Variants in NEK10 observed in about 807,000 individuals in gnomAD.
NEK10 encodes NIMA related kinase 10.
A neutral mutation model predicts 159.8 loss-of-function variants in NEK10; 122 were observed. The observed-to-expected ratio is 0.76, with a 90% CI of 0.66 to 0.89. The LOEUF (loss-of-function observed/expected upper bound fraction) is 0.89. NEK10 is among the 40% of genes least tolerant of loss of function. NEK10 has a pLI of 0.00. For synonymous variants in NEK10, 466 were observed against 457.1 expected (o/e 1.02, Z -0.25); for missense variants, 1,342 against 1,323.1 (o/e 1.01, Z -0.22).
At chr3:27,313,695 C>T (rs1396119759) in intron 7 of NEK10, among the ~76,000 whole-genome samples, 8 of 152,078 alleles carry the variant, frequency 5.3e-5, no homozygotes. Flanking sequence ...ATGCTAAGGG[C>T]TTCAGCCTTC....
chr3:27,170,275 G>A (rs1416180374), intron 29 of NEK10, among the ~76,000 whole-genome samples: 5 of 152,238 alleles, frequency 3.3e-5, no homozygotes, highest in Admixed American at 3.3e-4. Context: ...CTTATATGTG[G>A]CCCAACCTCA....
At chr3:27,131,080 A>T (rs1942569080) in intron 32 of NEK10, among the ~76,000 whole-genome samples, 1 of 152,210 alleles carries the variant, frequency 6.6e-6, no homozygotes, top group African/African-American at 2.4e-5. Context: ...TGAAGCTTTG[A>T]TGCATTAAAG....
In NEK10 at chr3:27,304,826, G is replaced by T. The variant is rs1211364252; in HGVS notation, c.949C>A (p.Gln317Lys). ...LLWSIVWILV[Q>K]VCEDPETSVE... ...CTGGTCTCAGGGTCCTCACAAACCT[G>T]TACCAGAATCCAGACAATGCTCCAG... is the stretch of plus-strand genomic sequence containing the variant. Residue 317 changes from glutamine (Q) to lysine (K), a missense_variant, in exon 12 of 36, where the codon CAG becomes AAG. Physicochemically the swap from Gln to Lys is moderately conservative, Grantham distance 53. Coordinates refer to ENST00000691995, the MANE Select transcript of NEK10 (RefSeq NM_001394966.1). The T allele has an allele frequency of 6.2e-7, 1 of 1,613,856 alleles. No individual in the cohort carries two copies.
intron 23 of NEK10, among the ~76,000 whole-genome samples, chr3:27,208,113 A>C (rs775112621): frequency 6.6e-6 from 1 of 152,124 alleles, no homozygotes; most frequent in Non-Finnish European, 1.5e-5. Flanking sequence ...TGGTTGCTGA[A>C]GGTTGGTAAA....
intron 31 of NEK10, among the ~76,000 whole-genome samples, chr3:27,135,806 C>T (rs1943132598): frequency 6.6e-6 from 1 of 152,142 alleles, no homozygotes; most frequent in Non-Finnish European, 1.5e-5. Context: ...AAATGGCAGT[C>T]AATTTAAGAA....
rs1021281510 is a variant in NEK10 at position 27,214,690 on chromosome 3, T to C, written c.2091-12133A>G. 9.4e-5 allele frequency: 59 copies of C among 630,600 alleles called. 2 individuals are homozygous for C. The Admixed American group carries it at 1.2e-3, about 13-fold the overall frequency. The allele number at this position is 630,600 out of a possible 1,614,324, so 39.1% of individuals were successfully genotyped here. A position where few individuals can be genotyped will look rare whatever the true frequency, so the allele number is the denominator to read the frequency against. ...GGAGTTTAAAGCATTACTGATAACA[T>C]TGTTACAGAAGAATGGCAGCTTACT... On this transcript the variant is annotated intron_variant, in intron 23 of 35. Coordinates refer to ENST00000691995, the MANE Select transcript of NEK10 (RefSeq NM_001394966.1).
chr3:27,317,005 C>T (rs140578032), intron 6 of NEK10, among the ~76,000 whole-genome samples: 3 of 152,306 alleles, frequency 2.0e-5, no homozygotes, highest in East Asian at 1.9e-4. Flanking sequence ...ACACGTATTA[C>T]TCCTGTGGAA....
intron 23 of NEK10, among the ~76,000 whole-genome samples, chr3:27,252,542 T>C (rs191838174): frequency 6.6e-6 from 1 of 152,310 alleles, no homozygotes; most frequent in Admixed American, 6.5e-5. Flanking sequence ...TACTTGTGAG[T>C]TTTAAAGTAC....
chr3:27,274,203 G>C (rs1050630700), intron 22 of NEK10, among the ~76,000 whole-genome samples: 1 of 152,164 alleles, frequency 6.6e-6, no homozygotes, highest in South Asian at 2.1e-4. Context: ...AGGGATGAGG[G>C]AGAGGGAAGG....
At chr3:27,248,968 T>A (rs1445707270) in intron 23 of NEK10, among the ~76,000 whole-genome samples, 1 of 152,198 alleles carries the variant, frequency 6.6e-6, no homozygotes, top group Admixed American at 6.5e-5. Context: ...CCAGCTATTA[T>A]TGTTGATAAT....
intron 25 of NEK10, among the ~76,000 whole-genome samples, chr3:27,198,549 T>A (rs577169766): frequency 1.3e-5 from 2 of 152,220 alleles, no homozygotes; most frequent in East Asian, 3.9e-4. Flanking sequence ...AGATTCCCTA[T>A]GTAACAAATG....
chr3:27,230,359 T>C (rs1387312023), intron 23 of NEK10, among the ~76,000 whole-genome samples: 8 of 151,986 alleles, frequency 5.3e-5, no homozygotes, highest in Non-Finnish European at 2.9e-5. Flanking sequence ...CTACAAGAAA[T>C]GCTAAAAGAA....
At chr3:27,256,126 A>G (rs1956142280) in intron 23 of NEK10, among the ~76,000 whole-genome samples, 170 bp downstream of exon 23, 2 of 152,200 alleles carry the variant, frequency 1.3e-5, no homozygotes, top group Non-Finnish European at 2.9e-5. Context: ...TGTTTTAAGC[A>G]TACATAATGA....
At chr3:27,367,939 A>G (rs2049216591) in intron 1 of NEK10, among the ~76,000 whole-genome samples, 1 of 152,150 alleles carries the variant, frequency 6.6e-6, no homozygotes, top group Non-Finnish European at 1.5e-5. Flanking sequence ...GGATTAGGGT[A>G]ATGGGGAATC....
At chr3:27,297,947 C>T (rs1013253198) in intron 13 of NEK10, among the ~76,000 whole-genome samples, 10 of 152,062 alleles carry the variant, frequency 6.6e-5, no homozygotes, top group African/African-American at 2.4e-4. Flanking sequence ...ACATATATTC[C>T]CACATAATTC....
intron 33 of NEK10, among the ~76,000 whole-genome samples, chr3:27,116,344 C>T (rs1248229647): frequency 2.0e-5 from 3 of 152,018 alleles, no homozygotes; most frequent in East Asian, 3.9e-4. Flanking sequence ...ATGGGCATCA[C>T]AAAATGATAT....
At chr3:27,173,506 T>A (rs1947207893) in intron 28 of NEK10, among the ~76,000 whole-genome samples, 1 of 152,216 alleles carries the variant, frequency 6.6e-6, no homozygotes, top group Non-Finnish European at 1.5e-5. Context: ...TAGGACAGAA[T>A]ATTGAAAACT....
chr3:27,331,262 A>AACAC lies in NEK10; in HGVS notation c.363-9005_363-9002dup, dbSNP rs1553639047. ...CAAAAAAAAAAAAACAAAAAAAAAA[A>AACAC]ACACACAAACCTAAGACTTTTGAGG... On this transcript the variant is annotated intron_variant, in intron 5 of 35. Coordinates refer to ENST00000691995, the MANE Select transcript of NEK10 (RefSeq NM_001394966.1). 6.4e-5 allele frequency among the ~76,000 whole-genome samples: 7 copies of AACAC among 110,074 alleles called. 1 individual carries two copies. The highest frequency in any genetic ancestry group is 3.9e-5 in the Non-Finnish European group (2 of 51,060). The allele number at this position is 110,074 out of a possible 152,430, so 72.2% of individuals were successfully genotyped here. A position where few individuals can be genotyped will look rare whatever the true frequency, so the allele number is the denominator to read the frequency against.
intron 23 of NEK10, chr3:27,252,174 G>A (rs762004282): frequency 2.0e-6 from 1 of 493,588 alleles, no homozygotes; most frequent in Non-Finnish European, 4.0e-6. Flanking sequence ...GTGTAGTGGA[G>A]AGACACACTA....
Sources: allele counts gnomAD v4.1 joint callset (sites outside exome capture counted in the v4.1 genomes callset), GRCh38; gene constraint gnomAD v4.1.1; transcripts MANE v1.5; gene names NCBI Gene and HGNC (gene_info 2026-07-23, HGNC 2026-07-21).